Variants in SEPTIN7 observed in about 807,000 individuals in gnomAD.
The protein encoded by SEPTIN7 is septin 7.
A neutral mutation model predicts 63.3 loss-of-function variants in SEPTIN7; 10 were observed. That is an observed-to-expected ratio of 0.16 (90% CI 0.10 to 0.27). The LOEUF is 0.27. Among genes scored for constraint, SEPTIN7 ranks in the 10% least tolerant of loss-of-function variants. The pLI is 1.00. For missense variants in SEPTIN7, 310 were observed against 521.0 expected (o/e 0.59, Z 3.94); for synonymous variants, 131 against 165.3 (o/e 0.79, Z 1.59).
At chr7:35,802,338 A>T in intron 1 of SEPTIN7, 1 of 242,338 alleles carries the variant, frequency 4.1e-6, no homozygotes, top group South Asian at 5.0e-5. Context: ...TTTGAAGAGT[A>T]CACTGTTTCA....
intron 3 of SEPTIN7, among the ~76,000 whole-genome samples, chr7:35,854,726 C>T (rs1024338660): frequency 5.9e-5 from 9 of 152,286 alleles, no homozygotes; most frequent in Admixed American, 4.6e-4. Context: ...AGCCTCTTCT[C>T]AGGCATTCTT....
chr7:35,804,348 A>G (rs1788190374), intron 1 of SEPTIN7, among the ~76,000 whole-genome samples: 1 of 152,226 alleles, frequency 6.6e-6, no homozygotes, highest in African/African-American at 2.4e-5. Flanking sequence ...CTTTTGCATC[A>G]TCAGAGATCT....
At chr7:35,860,634 C>A (rs1562555835) in intron 3 of SEPTIN7, among the ~76,000 whole-genome samples, 1 of 152,172 alleles carries the variant, frequency 6.6e-6, no homozygotes, top group Non-Finnish European at 1.5e-5. Context: ...TTGCATTTGA[C>A]ATTTATTTTC....
chr7:35,847,203 C>T (rs761844100), intron 3 of SEPTIN7: 78 of 156,730 alleles, frequency 5.0e-4, no homozygotes, highest in Non-Finnish European at 8.2e-4. Context: ...CACCTGTCGA[C>T]GCACTGTAGC....
At chr7:35,838,236 A>ACTTACTTACTTACTTC (rs1562536598) in intron 3 of SEPTIN7, among the ~76,000 whole-genome samples, 2 of 59,050 alleles carry the variant, frequency 3.4e-5, no homozygotes, top group Non-Finnish European at 6.9e-5. Context: ...TATTATCCAA[A>ACTTACTTACTTACTTC]CTTCCTTCCT....
chr7:35,878,584 A>G (rs1318809909), intron 6 of SEPTIN7, among the ~76,000 whole-genome samples: 3 of 152,202 alleles, frequency 2.0e-5, no homozygotes, highest in Non-Finnish European at 4.4e-5. Context: ...TTCATGTTAT[A>G]GTTATTCATT....
intron 3 of SEPTIN7, among the ~76,000 whole-genome samples, chr7:35,845,043 G>A (rs1006053450): frequency 3.3e-5 from 5 of 152,090 alleles, no homozygotes. Flanking sequence ...GGGCAACAGA[G>A]TGAGACCCCA....
intron 10 of SEPTIN7, among the ~76,000 whole-genome samples, chr7:35,886,395 G>T (rs149568601): frequency 6.7e-6 from 1 of 149,292 alleles, no homozygotes; most frequent in Admixed American, 6.8e-5. Context: ...GCCTATGGGA[G>T]CAGGACATCG....
chr7:35,827,370 GA>G (rs1435553836), intron 1 of SEPTIN7, among the ~76,000 whole-genome samples: 1 of 152,150 alleles, frequency 6.6e-6, no homozygotes, highest in African/African-American at 2.4e-5. Flanking sequence ...ATTTGTGCAG[GA>G]AAAGAATCAG....
chr7:35,832,572 T>A, intron 2 of SEPTIN7: 1 of 360,054 alleles, frequency 2.8e-6, no homozygotes, highest in South Asian at 3.0e-5. Context: ...TTTTATTTCA[T>A]TCCCTTGGAT....
chr7:35,872,298 A>G (rs1027030694), intron 4 of SEPTIN7, among the ~76,000 whole-genome samples: 1 of 152,156 alleles, frequency 6.6e-6, no homozygotes, highest in African/African-American at 2.4e-5. Flanking sequence ...TGAATTATTA[A>G]ATCACTCAAA....
chr7:35,850,198 A>G (rs180899381), intron 3 of SEPTIN7, among the ~76,000 whole-genome samples: 7 of 152,306 alleles, frequency 4.6e-5, no homozygotes, highest in Non-Finnish European at 8.8e-5. Context: ...ATTTTGGTTA[A>G]GAACTATAGT....
At chr7:35,841,441 A>G (rs1227652209) in intron 3 of SEPTIN7, among the ~76,000 whole-genome samples, 1 of 152,210 alleles carries the variant, frequency 6.6e-6, no homozygotes, top group East Asian at 1.9e-4. Context: ...TGAAAATAAT[A>G]CAAGAAACTC....
chr7:35,816,978 G>T (rs1789106444), intron 1 of SEPTIN7, among the ~76,000 whole-genome samples: 1 of 151,136 alleles, frequency 6.6e-6, no homozygotes, highest in African/African-American at 2.4e-5. Flanking sequence ...TCATATAGAA[G>T]ACTTGCAAGT....
At chr7:35,832,269 A>G (rs1323641504) in intron 2 of SEPTIN7, among the ~76,000 whole-genome samples, 1 of 152,140 alleles carries the variant, frequency 6.6e-6, no homozygotes, top group Non-Finnish European at 1.5e-5. Flanking sequence ...GCTGGTTGAC[A>G]CTGATCACAA....
chr7:35,809,706 A>G lies in SEPTIN7; in HGVS notation c.61+8436A>G, dbSNP rs114298255. Reference sequence around the variant, plus strand: ...TTCTAGACTGAGAAATTATGTTAGTATCAGGTTATGAGGTTAGAAGAGGTA... The same window carrying G: ...TTCTAGACTGAGAAATTATGTTAGTGTCAGGTTATGAGGTTAGAAGAGGTA... On this transcript the variant is annotated intron_variant, in intron 1 of 13. Transcript: ENST00000350320. Among the ~76,000 whole-genome samples, 946 of 152,342 alleles carry G rather than the reference A, an allele frequency of 6.2e-3. 7 individuals are homozygous for G. Among genetic ancestry groups the G allele is most frequent in the African/African-American group, 0.022 (903 of 41,568 alleles).
intron 11 of SEPTIN7, among the ~76,000 whole-genome samples, chr7:35,897,645 GAC>G (rs1426127127): frequency 7.2e-5 from 11 of 152,068 alleles, no homozygotes; most frequent in African/African-American, 2.7e-4. Flanking sequence ...TAAAACTTAA[GAC>G]AGTGAAATAT....
intron 3 of SEPTIN7, among the ~76,000 whole-genome samples, chr7:35,841,005 G>A (rs551111387): frequency 6.6e-6 from 1 of 152,256 alleles, no homozygotes; most frequent in South Asian, 2.1e-4. Context: ...TAAATCCAGT[G>A]TCTTAATCAT....
intron 4 of SEPTIN7, among the ~76,000 whole-genome samples, chr7:35,864,981 A>G (rs978246863): frequency 6.6e-6 from 1 of 152,006 alleles, no homozygotes; most frequent in Non-Finnish European, 1.5e-5. Flanking sequence ...AATTTTGTGA[A>G]GTGAATTTCT....
Sources: gnomAD v4.1 joint callset for allele counts (sites outside exome capture counted in the v4.1 genomes callset) on GRCh38, gnomAD v4.1.1 for gene constraint, MANE v1.5 for transcripts, NCBI Gene and HGNC (gene_info 2026-07-23, HGNC 2026-07-21) for gene names.